PCDHA7: variants seen among roughly 807,000 people sequenced by gnomAD.
PCDHA7 encodes the protein protocadherin alpha-7.
PCDHA7 carries 37 observed loss-of-function variants against 57.2 expected under a neutral mutation model. The observed-to-expected ratio is 0.65, with a 90% CI of 0.50 to 0.85. PCDHA7 has a LOEUF of 0.85. Among genes scored for constraint, PCDHA7 ranks in the 40% least tolerant of loss-of-function variants. The pLI is 0.00. For missense variants in PCDHA7, 1,188 were observed against 1,241.8 expected, an observed-to-expected ratio of 0.96 and a Z score of 0.65; for synonymous variants, 553 against 558.8, an observed-to-expected ratio of 0.99 and a Z score of 0.15.
At chr5:140,862,291 C>G (rs1029513176) in intron 1 of PCDHA7, 4 of 265,238 alleles carry the variant, frequency 1.5e-5, no homozygotes, top group African/African-American at 6.6e-5. Context: ...TACAGGAGGA[C>G]GCTCCACTGG....
At chr5:140,856,240 G>A in intron 1 of PCDHA7, 1 of 1,598,050 alleles carries the variant, frequency 6.3e-7, no homozygotes, top group Non-Finnish European at 8.6e-7. Flanking sequence ...GCCTGTTCCG[G>A]GTGGCGTCCA....
intron 1 of PCDHA7, chr5:140,967,750 C>G (rs782284231): frequency 6.2e-7 from 1 of 1,614,190 alleles, no homozygotes; most frequent in South Asian, 1.1e-5. Flanking sequence ...ATGAGGAAGC[C>G]TCCTCCTACC....
At chr5:140,975,022 G>A (rs2096650178) in intron 1 of PCDHA7, among the ~76,000 whole-genome samples, 2 of 152,188 alleles carry the variant, frequency 1.3e-5, no homozygotes, top group Admixed American at 1.3e-4. Context: ...GCTGGGCTGT[G>A]TTGTCCTTTG....
chr5:140,941,701 C>T (rs1312324595), intron 1 of PCDHA7, among the ~76,000 whole-genome samples: 3 of 152,142 alleles, frequency 2.0e-5, no homozygotes, highest in Non-Finnish European at 4.4e-5. Context: ...TTGGGCTTAG[C>T]TTTCCTCCAC....
At chr5:140,998,055 T>C (rs2097794971) in intron 3 of PCDHA7, among the ~76,000 whole-genome samples, 1 of 152,190 alleles carries the variant, frequency 6.6e-6, no homozygotes, top group Non-Finnish European at 1.5e-5. Flanking sequence ...AGTGACATCA[T>C]CATCAACAGA....
rs1274715970 is a variant in PCDHA7, at chr5:140,849,195, G to A, written c.2355+12457G>A. ...CGTTCAATTACTCATCACGGTACTG[G>A]ACAACAATGACAATGCCCCAGTGTT... On this transcript the variant is annotated intron_variant, in intron 1 of 3. Coordinates refer to ENST00000525929, the MANE Select transcript of PCDHA7 (RefSeq NM_018910.3). The A allele has an allele frequency of 2.4e-5, 25 of 1,038,632 alleles. 3 individuals carry two copies. The highest frequency in any genetic ancestry group is 1.1e-4 in the Admixed American group (4 of 36,524). 64.3% of individuals were successfully genotyped at this position (1,038,632 alleles called of 1,614,324 possible).
chr5:140,918,021 A>G (rs2078482403), intron 1 of PCDHA7, among the ~76,000 whole-genome samples: 2 of 152,190 alleles, frequency 1.3e-5, no homozygotes, highest in South Asian at 2.1e-4. Flanking sequence ...CTTCCTACCC[A>G]TGAGCGTGGA....
chr5:140,967,368 A>G (rs2096133589), intron 1 of PCDHA7: 1 of 1,607,738 alleles, frequency 6.2e-7, no homozygotes, highest in Non-Finnish European at 8.5e-7. Flanking sequence ...AAGCCCCTGC[A>G]GGAGAACAGT....
intron 2 of PCDHA7, 35 bp from the exon 3 acceptor site, chr5:140,982,440 A>C: frequency 6.2e-6 from 10 of 1,613,042 alleles, no homozygotes; most frequent in Non-Finnish European, 8.5e-6. Context: ...AGAATTTATG[A>C]TCTAACCGTT....
intron 1 of PCDHA7, chr5:140,861,762 T>G (rs2047066854): frequency 1.1e-5 from 1 of 90,318 alleles, no homozygotes; most frequent in Non-Finnish European, 2.3e-5. Context: ...TATTTTTCCC[T>G]GGAAATACCA....
At chr5:140,997,329 T>C (rs1030113015) in intron 3 of PCDHA7, among the ~76,000 whole-genome samples, 1 of 152,228 alleles carries the variant, frequency 6.6e-6, no homozygotes, top group African/African-American at 2.4e-5. Context: ...AGTTTTTTCG[T>C]TGTACAAATA....
intron 1 of PCDHA7, among the ~76,000 whole-genome samples, chr5:140,909,316 G>C (rs2074435468): frequency 6.6e-6 from 1 of 152,198 alleles, no homozygotes; most frequent in Non-Finnish European, 1.5e-5. Flanking sequence ...AAAGGCATTT[G>C]CCAAATCAAT....
chr5:140,908,270 G>A (rs1554193271), intron 1 of PCDHA7, among the ~76,000 whole-genome samples: 1 of 152,154 alleles, frequency 6.6e-6, no homozygotes, highest in African/African-American at 2.4e-5. Context: ...AACTCCCCAT[G>A]AGGCCATTGT....
chr5:140,884,241 C>A (rs782355331), intron 1 of PCDHA7: 5 of 1,613,408 alleles, frequency 3.1e-6, no homozygotes, highest in Non-Finnish European at 4.2e-6. Flanking sequence ...GGTGAGCCCG[C>A]GCTGACGGCC....
chr5:140,981,845 T>C (rs184071298), intron 2 of PCDHA7, among the ~76,000 whole-genome samples: 129 of 152,310 alleles, frequency 8.5e-4, no homozygotes, highest in Middle Eastern at 3.4e-3. Flanking sequence ...TCCCAGTTTG[T>C]ATCTCACTCC....
chr5:140,930,781 CAATAT>C (rs1259470112), intron 1 of PCDHA7, among the ~76,000 whole-genome samples: 2 of 152,048 alleles, frequency 1.3e-5, no homozygotes, highest in African/African-American at 4.8e-5. Context: ...AATATTTTCA[CAATAT>C]AATAGAATCC....
rs1221925609 is a variant in PCDHA7, at chr5:140,850,980, T to C, written c.2355+14242T>C. The C allele has an allele frequency of 2.1e-6, 3 of 1,453,332 alleles. 1 individual carries two copies. The highest frequency in any genetic ancestry group is 1.4e-5 in the African/African-American group (1 of 69,706). 90.0% of individuals were successfully genotyped at this position (1,453,332 alleles called of 1,614,324 possible). A position where few individuals can be genotyped will look rare whatever the true frequency, so the allele number is the denominator to read the frequency against. On this transcript the variant is annotated intron_variant, in intron 1 of 3. Coordinates refer to ENST00000525929, the MANE Select transcript of PCDHA7 (RefSeq NM_018910.3). ...CCCAGGGGCCGTTCAAATAGTTTTATTCATTTTTCTAGAAATCCAGCAGAT... is the reference window on the plus strand; with the variant it reads ...CCCAGGGGCCGTTCAAATAGTTTTACTCATTTTTCTAGAAATCCAGCAGAT...
At chr5:140,860,453 G>A (rs1444199849) in intron 1 of PCDHA7, 5 of 152,018 alleles carry the variant, frequency 3.3e-5, no homozygotes, top group African/African-American at 1.2e-4. Flanking sequence ...ATTAATTCAC[G>A]TGATAATACA....
At chr5:140,875,662 T>C (rs782787124) in intron 1 of PCDHA7, 32 of 1,613,752 alleles carry the variant, frequency 2.0e-5, no homozygotes, top group Non-Finnish European at 2.6e-5. Context: ...GCCGCGCCTG[T>C]TCCGGGTGGC....
Sources: gnomAD v4.1 joint callset for allele counts (sites outside exome capture counted in the v4.1 genomes callset) on GRCh38, gnomAD v4.1.1 for gene constraint, MANE v1.5 for transcripts, NCBI Gene and HGNC (gene_info 2026-07-23, HGNC 2026-07-21) for gene names.